The following CCDC40 variants were observed in gnomAD, a reference collection of about 807,000 sequenced individuals.
CCDC40 encodes coiled-coil domain-containing protein 40.
CCDC40 carries 104 observed loss-of-function variants against 124.5 expected under a neutral mutation model. That is an observed-to-expected ratio of 0.84 (90% CI 0.71 to 0.98). CCDC40 has a LOEUF of 0.98. Ranked by LOEUF, CCDC40 falls within the 50% of genes least tolerant of loss-of-function variation. The pLI is 0.00. For synonymous variants in CCDC40, 580 were observed against 602.9 expected (o/e 0.96, Z 0.56); for missense variants, 1,463 against 1,503.9 (o/e 0.97, Z 0.45).
At chr17:80,094,779 C>T (rs923109760) in intron 17 of CCDC40, among the ~76,000 whole-genome samples, 1 of 152,144 alleles carries the variant, frequency 6.6e-6, no homozygotes, top group Non-Finnish European at 1.5e-5. Flanking sequence ...GACATAGAAC[C>T]TTTCTATGAC....
At chr17:80,053,105 T>C (rs1471407784) in intron 7 of CCDC40, among the ~76,000 whole-genome samples, 1 of 151,932 alleles carries the variant, frequency 6.6e-6, no homozygotes, top group Non-Finnish European at 1.5e-5. Context: ...GAAAGGGAGA[T>C]TTCAGGAGAT....
chr17:80,075,524 C>T (rs2143716731), intron 10 of CCDC40, among the ~76,000 whole-genome samples: 1 of 152,288 alleles, frequency 6.6e-6, no homozygotes, highest in South Asian at 2.1e-4. Flanking sequence ...TAGTGTTCTG[C>T]CCTTGCAGAG....
At chr17:80,050,972 G>A (rs538610441) in intron 7 of CCDC40, among the ~76,000 whole-genome samples, 6 of 152,332 alleles carry the variant, frequency 3.9e-5, no homozygotes, top group South Asian at 4.1e-4. Context: ...CCTGACCGCC[G>A]TAGGATGTGT....
chr17:80,071,708 C>T (rs8076405), intron 10 of CCDC40, among the ~76,000 whole-genome samples: 2,243 of 152,002 alleles, frequency 0.015, 58 homozygotes, highest in African/African-American at 0.052. Context: ...AAACAGGCTT[C>T]GTGTGAGATG....
chr17:80,086,516 G>A lies in CCDC40; in HGVS notation c.2449+300G>A, dbSNP rs2038592408. Reference sequence around the variant, plus strand: ...AGGTTATCATCCCCGCCAAGCCAGGGCACTCAGGTGGAAACACTGGCACGG... The same window carrying A: ...AGGTTATCATCCCCGCCAAGCCAGGACACTCAGGTGGAAACACTGGCACGG... On this transcript the variant is annotated intron_variant, in intron 14 of 19. Coordinates refer to ENST00000397545, the MANE Select transcript of CCDC40 (RefSeq NM_017950.4). The surrounding 1 kb of genome is among the most constrained non-coding windows in gnomAD (Gnocchi z 5.5). 1 of 382,042 alleles carries A rather than the reference G, an allele frequency of 2.6e-6. No individual in the cohort carries two copies. The highest frequency in any genetic ancestry group is 5.0e-6 in the Non-Finnish European group (1 of 200,604). 23.7% of individuals were successfully genotyped at this position (382,042 alleles called of 1,614,324 possible).
chr17:80,088,778 G>T (rs1242348314), intron 16 of CCDC40, among the ~76,000 whole-genome samples: 1 of 152,190 alleles, frequency 6.6e-6, no homozygotes, highest in Admixed American at 6.5e-5. Flanking sequence ...CTGCACTCCA[G>T]CCTGGGCGAC....
chr17:80,037,131 G>A (rs1178217506), intron 1 of CCDC40, among the ~76,000 whole-genome samples: 1 of 152,136 alleles, frequency 6.6e-6, no homozygotes, highest in African/African-American at 2.4e-5. Flanking sequence ...AGACCAGCCC[G>A]GCCCCGCGCC....
intron 4 of CCDC40, chr17:80,048,282 A>G (rs1415799724): frequency 2.4e-6 from 1 of 419,710 alleles, no homozygotes; most frequent in Non-Finnish European, 4.5e-6. Context: ...ATTGTATCCA[A>G]TCCACTAGTT....
chr17:80,088,947 TG>T (rs2038645437), intron 16 of CCDC40, among the ~76,000 whole-genome samples: 1 of 152,212 alleles, frequency 6.6e-6, no homozygotes. Flanking sequence ...GGGTTTCCTT[TG>T]TGATAAAGTT....
intron 7 of CCDC40, among the ~76,000 whole-genome samples, chr17:80,050,809 C>A (rs28363849): frequency 6.6e-6 from 1 of 151,962 alleles, no homozygotes; most frequent in East Asian, 1.9e-4. Context: ...ACAGCCAGAG[C>A]GTAGAGATTC....
intron 10 of CCDC40, among the ~76,000 whole-genome samples, chr17:80,071,918 C>T (rs765299462): frequency 2.9e-5 from 4 of 139,758 alleles, no homozygotes; most frequent in Non-Finnish European, 6.1e-5. Flanking sequence ...CTCACTGCAA[C>T]CTCCACCTCC....
Position 80,067,625 on chromosome 17 carries a change from G to A in CCDC40, c.1562+2019G>A, listed in dbSNP as rs529955896. ...GCTTCCTGCCCGGGGCATCGAGGGC[G>A]TTCGCGTCCGTCTGTTATGGCGGTG... On this transcript the variant is annotated intron_variant, in intron 10 of 19. Coordinates refer to ENST00000397545, the MANE Select transcript of CCDC40 (RefSeq NM_017950.4). 59 of 1,536,234 alleles carry A rather than the reference G, an allele frequency of 3.8e-5. No individual in the cohort carries two copies. In the South Asian group the frequency reaches 4.4e-4, roughly 11 times the overall value.
chr17:80,069,700 A>G (rs1160554684), intron 10 of CCDC40, among the ~76,000 whole-genome samples: 2 of 152,162 alleles, frequency 1.3e-5, no homozygotes, highest in Admixed American at 6.5e-5. Flanking sequence ...GCGGTGAAGC[A>G]AGATGGTGCC....
rs1240512608 is a variant in CCDC40, at chr17:80,065,615, G to C, written c.1562+9G>C. On this transcript the variant is annotated intron_variant, in intron 10 of 19. Coordinates refer to ENST00000397545, the MANE Select transcript of CCDC40 (RefSeq NM_017950.4). The stretch of plus-strand genomic sequence containing the variant: ...GTGCTGGAGGCGCTCAGGTACTGCA[G>C]GGCCACAGGCAGCGAGGATGTGCGG... 2 of 1,611,990 alleles carry C rather than the reference G, an allele frequency of 1.2e-6. No homozygotes were observed. Among genetic ancestry groups the C allele is most frequent in the South Asian group, 1.1e-5 (1 of 90,994 alleles).
At position 80,076,578 on chromosome 17, in the gene CCDC40, C is replaced by CAA. The variant is rs55997385; in HGVS notation, c.1563-4951_1563-4950dup. Reference sequence around the variant, plus strand: ...ACAGAGCCAGAGTCAGAGCCTGTCTCAAAAAAAAAAAAAAAAAATTGCCAC... The same window carrying CAA: ...ACAGAGCCAGAGTCAGAGCCTGTCTCAAAAAAAAAAAAAAAAAAAATTGCCAC... On this transcript the variant is annotated intron_variant, in intron 10 of 19. Coordinates refer to ENST00000397545, the MANE Select transcript of CCDC40 (RefSeq NM_017950.4). Among the ~76,000 whole-genome samples, 985 of 120,818 alleles carry CAA rather than the reference C, an allele frequency of 8.2e-3. 18 individuals carry two copies. The highest frequency in any genetic ancestry group is 0.047 in the East Asian group (194 of 4,166). 79.3% of individuals were successfully genotyped at this position (120,818 alleles called of 152,430 possible).
intron 19 of CCDC40, among the ~76,000 whole-genome samples, chr17:80,098,228 G>A (rs2038846298): frequency 6.6e-6 from 1 of 152,226 alleles, no homozygotes; most frequent in Non-Finnish European, 1.5e-5. Flanking sequence ...GTTAGGGTAT[G>A]TAAGACCCAG....
intron 18 of CCDC40, among the ~76,000 whole-genome samples, chr17:80,096,743 C>T (rs1034457501): frequency 4.6e-5 from 7 of 152,238 alleles, no homozygotes; most frequent in African/African-American, 1.7e-4. Flanking sequence ...TCTCCTGCAT[C>T]ACCCCCTGGA....
At position 80,081,987 on chromosome 17, in the gene CCDC40, A is replaced by G. The variant is rs1362330324; in HGVS notation, c.1918A>G (p.Met640Val). The change falls in exon 12 of 20, where the codon ATG becomes GTG. Residue 640 changes from methionine (M) to valine (V), a missense_variant. Transcript: ENST00000397545. ...AAIREKLQEHMTSNKTTKYFN... is the reference protein window; with the variant it reads ...AAIREKLQEHVTSNKTTKYFN... ...CATCCGGGAGAAGCTGCAGGAGCAC[A>G]TGACCTCCAACAAGACCACCAAATA... The G allele has an allele frequency of 1.9e-6, 3 of 1,613,922 alleles. No homozygotes were observed. The highest frequency in any genetic ancestry group is 2.5e-6 in the Non-Finnish European group (3 of 1,179,988).
Position 80,087,626 on chromosome 17 carries a change from G to A in CCDC40, c.2469G>A (p.Lys823=), listed in dbSNP as rs2038614519. 6.2e-7 allele frequency: 1 copy of A among 1,614,054 alleles called. No homozygotes were observed. The highest frequency in any genetic ancestry group is 1.3e-5 in the African/African-American group (1 of 74,940). Residue 823 remains lysine, a synonymous_variant, in exon 15 of 20, where the codon AAG becomes AAA. Transcript: ENST00000397545. This position sits in a 1 kb window ranked among gnomAD's most constrained non-coding sequence, Gnocchi z 4.5. The part of the protein sequence containing the change: ...LRVESKIEQE[K]KEQKEIEHHM... ...CCATAGGCAAGATTGAGCAGGAGAA[G>A]AAGGAGCAGAAGGAGATCGAGCACC...
Sources: gnomAD v4.1 joint callset for allele counts (sites outside exome capture counted in the v4.1 genomes callset) on GRCh38, gnomAD v4.1.1 for gene constraint, Gnocchi (gnomAD v3.1) non-coding constraint, MANE v1.5 for transcripts, NCBI Gene and HGNC (gene_info 2026-07-23, HGNC 2026-07-21) for gene names.